The following PTCHD1 variants were observed in gnomAD, a reference collection of about 807,000 sequenced individuals.
The protein encoded by PTCHD1 is patched domain containing 1.
In PTCHD1, 3 loss-of-function variants were observed where a neutral mutation model predicts 34.6. The observed-to-expected ratio is 0.09, with a 90% CI of 0.04 to 0.22. PTCHD1 has a LOEUF of 0.22. Among genes scored for constraint, PTCHD1 ranks in the 10% least tolerant of loss-of-function variants. The pLI is 1.00. For missense variants in PTCHD1, 504 were observed against 685.5 expected, an observed-to-expected ratio of 0.74 and a Z score of 2.96; for synonymous variants, 305 against 283.1, an observed-to-expected ratio of 1.08 and a Z score of -0.77.
intron 1 of PTCHD1, among the ~76,000 whole-genome samples, chrX:23,337,002 G>A (rs1042630910): frequency 9.0e-6 from 1 of 110,744 alleles, no homozygotes; most frequent in East Asian, 2.8e-4. Flanking sequence ...TCACACCACT[G>A]TGACAGGCAG....
chrX:23,382,596 T>A (rs977693227), intron 2 of PTCHD1, among the ~76,000 whole-genome samples: 3 of 112,681 alleles, frequency 2.7e-5, no homozygotes, highest in African/African-American at 9.7e-5. Flanking sequence ...AGACTGAGTA[T>A]CACTGAACTT....
upstream of PTCHD1, chrX:23,334,780 GCGCCGCTGCCGCCGC>G (rs1170328798): frequency 4.1e-5 from 11 of 266,359 alleles, no homozygotes; most frequent in South Asian, 4.0e-4. Context: ...GCCGCCGCGG[GCGCCGCTGCCGCCGC>G]CGCCGCCGCC....
rs778774499 is a variant in PTCHD1 at position 23,396,784 on chromosome X, T to C, written c.*2599T>C. 50 of 112,506 alleles carry C rather than the reference T, an allele frequency of 4.4e-4. No homozygotes were observed. Among genetic ancestry groups the C allele is most frequent in the Admixed American group, 4.3e-3 (45 of 10,571 alleles). The allele number at this position is 112,506 out of a possible 1,213,427, so 9.3% of individuals were successfully genotyped here. ...GGCTTATGGAATTCTGACTGTGAAA[T>C]GAATTTTTCTATTGGGAGATTATGC... On this transcript the variant is annotated 3_prime_UTR_variant, in exon 3 of 3. Transcript: ENST00000379361.
intron 1 of PTCHD1, among the ~76,000 whole-genome samples, chrX:23,355,219 C>T (rs907777018): frequency 4.5e-5 from 5 of 111,151 alleles, no homozygotes; most frequent in Non-Finnish European, 9.4e-5. Flanking sequence ...CAGATTCACA[C>T]GTTGAAAGCA....
intron 2 of PTCHD1, among the ~76,000 whole-genome samples, chrX:23,384,605 T>A (rs1468580969): frequency 9.0e-6 from 1 of 111,571 alleles, no homozygotes; most frequent in Admixed American, 9.5e-5. Context: ...TATATGGAGC[T>A]CATAAAAAGG....
At chrX:23,334,787 T>TGCGGCC (rs1921110310), upstream of PTCHD1, 1 of 355,324 alleles carries the variant, frequency 2.8e-6, no homozygotes, top group African/African-American at 2.9e-5. Context: ...CGGGCGCCGC[T>TGCGGCC]GCCGCCGCCG....
chrX:23,397,628 G>A lies in PTCHD1; in HGVS notation c.*3443G>A, dbSNP rs925112268. Reference sequence around the variant, plus strand: ...TCAGTCAGAAGTGTGATAATCAGATGCCATCCTCCATGGCCACGCTTATGT... The same window carrying A: ...TCAGTCAGAAGTGTGATAATCAGATACCATCCTCCATGGCCACGCTTATGT... On this transcript the variant is annotated 3_prime_UTR_variant, in exon 3 of 3. Coordinates refer to ENST00000379361, the MANE Select transcript of PTCHD1 (RefSeq NM_173495.3). 1 of 111,705 alleles carries A rather than the reference G, an allele frequency of 9.0e-6. No homozygotes were observed. The highest frequency in any genetic ancestry group is 9.5e-5 in the Admixed American group (1 of 10,486). 9.2% of individuals were successfully genotyped at this position (111,705 alleles called of 1,213,427 possible). A position where few individuals can be genotyped will look rare whatever the true frequency, so the allele number is the denominator to read the frequency against.
At chrX:23,374,241 T>C (rs1235010240) in intron 1 of PTCHD1, among the ~76,000 whole-genome samples, 2 of 85,184 alleles carry the variant, frequency 2.3e-5, no homozygotes, top group Non-Finnish European at 4.3e-5. Flanking sequence ...CAGAGTGGCC[T>C]TCCTCCTTCC....
intron 1 of PTCHD1, among the ~76,000 whole-genome samples, chrX:23,377,945 A>G (rs1199224163): frequency 1.8e-5 from 2 of 112,209 alleles, no homozygotes; most frequent in African/African-American, 6.5e-5. Flanking sequence ...GCTACAGTAT[A>G]ACAACTCTGT....
chrX:23,373,828 T>G (rs904376096), intron 1 of PTCHD1, among the ~76,000 whole-genome samples: 3 of 111,659 alleles, frequency 2.7e-5, no homozygotes, highest in Admixed American at 9.5e-5. Flanking sequence ...AGACATGTAG[T>G]TTGGAGGGAT....
intron 1 of PTCHD1, among the ~76,000 whole-genome samples, chrX:23,374,716 C>G (rs1229151747): frequency 9.0e-6 from 1 of 111,022 alleles, no homozygotes; most frequent in Non-Finnish European, 1.9e-5. Flanking sequence ...AAAAGCATAC[C>G]TCAAGTAGCC....
rs1244614641 is a variant in PTCHD1, at chrX:23,334,851, C to T, written c.-25C>T. ...CCGCGCCGAGCGTGCGCCTCGCCCT[C>T]CTCCCGCGCCCGCTCTGCTCTAGGA... On this transcript the variant is annotated 5_prime_UTR_variant, in exon 1 of 3. Coordinates refer to ENST00000379361, the MANE Select transcript of PTCHD1 (RefSeq NM_173495.3). The T allele has an allele frequency of 9.1e-7, 1 of 1,094,354 alleles. No individual in the cohort carries two copies. Among genetic ancestry groups the T allele is most frequent in the Admixed American group, 2.7e-5 (1 of 37,581 alleles). 90.2% of individuals were successfully genotyped at this position (1,094,354 alleles called of 1,213,427 possible).
At chrX:23,376,142 CTAT>C (rs1032692673) in intron 1 of PTCHD1, among the ~76,000 whole-genome samples, 2 of 111,879 alleles carry the variant, frequency 1.8e-5, no homozygotes, top group African/African-American at 6.5e-5. Context: ...GAAAATTATC[CTAT>C]TATTGACAGC....
intron 1 of PTCHD1, among the ~76,000 whole-genome samples, chrX:23,350,767 G>A (rs1398761523): frequency 5.4e-5 from 6 of 110,867 alleles, no homozygotes; most frequent in Non-Finnish European, 1.1e-4. Context: ...ATAGGCAAAG[G>A]TAGAGAAGTC....
At chrX:23,363,780 T>C (rs1384478954) in intron 1 of PTCHD1, among the ~76,000 whole-genome samples, 3 of 112,700 alleles carry the variant, frequency 2.7e-5, no homozygotes, top group Non-Finnish European at 5.6e-5. Flanking sequence ...TATTCGGCCA[T>C]CTTGGAATGG....
At chrX:23,351,526 A>G (rs1157646318) in intron 1 of PTCHD1, 5 of 356,274 alleles carry the variant, frequency 1.4e-5, no homozygotes, top group Non-Finnish European at 2.5e-5. Flanking sequence ...ATTTAAAAGT[A>G]TGAAGTCAAA....
At chrX:23,392,258 G>A (rs1368436768) in intron 2 of PTCHD1, among the ~76,000 whole-genome samples, 1 of 108,686 alleles carries the variant, frequency 9.2e-6, no homozygotes, top group Non-Finnish European at 1.9e-5. Flanking sequence ...TGTTTGTTTG[G>A]TGGAACACTC....
At chrX:23,343,950 G>A (rs779002192) in intron 1 of PTCHD1, among the ~76,000 whole-genome samples, 11 of 112,332 alleles carry the variant, frequency 9.8e-5, no homozygotes, top group Admixed American at 1.9e-4. Flanking sequence ...TTGGTCTTGT[G>A]GTATAGGCAA....
Position 23,396,039 on chromosome X carries a change from G to T in PTCHD1, c.*1854G>T, listed in dbSNP as rs1156511750. 8.9e-6 allele frequency: 1 copy of T among 112,131 alleles called. No homozygotes were observed. The highest frequency in any genetic ancestry group is 1.9e-5 in the Non-Finnish European group (1 of 53,167). The allele number at this position is 112,131 out of a possible 1,213,427, so 9.2% of individuals were successfully genotyped here. On this transcript the variant is annotated 3_prime_UTR_variant, in exon 3 of 3. Coordinates refer to ENST00000379361, the MANE Select transcript of PTCHD1 (RefSeq NM_173495.3). ...AAAGTAGGAACATAGGACTTCGTTG[G>T]CCACAGGGCAGACATTTTTTTAGTG...
Sources: gnomAD v4.1 joint callset for allele counts (sites outside exome capture counted in the v4.1 genomes callset) on GRCh38, gnomAD v4.1.1 for gene constraint, MANE v1.5 for transcripts, NCBI Gene and HGNC (gene_info 2026-07-23, HGNC 2026-07-21) for gene names.